The following MOCOS variants were observed in gnomAD, a reference collection of about 807,000 sequenced individuals.
MOCOS encodes the protein human molybdenum cofactor sulfurase.
A neutral mutation model predicts 83.6 loss-of-function variants in MOCOS; 86 were observed. The ratio of observed to expected loss-of-function variants is 1.03; its 90% confidence interval spans 0.86 to 1.23. The LOEUF (loss-of-function observed/expected upper bound fraction) is 1.23, where lower values mean the gene tolerates loss of function less well. Ranked by LOEUF, MOCOS falls within the 50% of genes most tolerant of loss-of-function variation. MOCOS has a pLI of 0.00. For synonymous variants in MOCOS, 445 were observed against 434.7 expected, an observed-to-expected ratio of 1.02 and a Z score of -0.29; for missense variants, 1,120 against 1,126.9, an observed-to-expected ratio of 0.99 and a Z score of 0.09.
intron 9 of MOCOS, among the ~76,000 whole-genome samples, chr18:36,234,640 A>G (rs916681974): frequency 6.6e-6 from 1 of 152,156 alleles, no homozygotes; most frequent in Non-Finnish European, 1.5e-5. Context: ...CATTTTCACA[A>G]TATTGATTCT....
chr18:36,235,266 A>G (rs887534500), intron 9 of MOCOS, among the ~76,000 whole-genome samples: 4 of 124,770 alleles, frequency 3.2e-5, no homozygotes, highest in Non-Finnish European at 6.7e-5. Context: ...ATATCTCCCA[A>G]TGCTATCCCT....
At chr18:36,232,505 C>T (rs974307423) in intron 9 of MOCOS, among the ~76,000 whole-genome samples, 2 of 151,930 alleles carry the variant, frequency 1.3e-5, no homozygotes, top group Non-Finnish European at 1.5e-5. Context: ...GTTTAAAATC[C>T]TCTTTTCTAG....
intron 1 of MOCOS, among the ~76,000 whole-genome samples, chr18:36,190,905 C>T (rs1251039239): frequency 6.6e-6 from 1 of 151,214 alleles, no homozygotes; most frequent in Non-Finnish European, 1.5e-5. Context: ...GGTGTGGTGG[C>T]ACATGCCTGT....
At chr18:36,232,855 TACACACACAC>T (rs71168208) in intron 9 of MOCOS, among the ~76,000 whole-genome samples, 39,519 of 147,844 alleles carry the variant, frequency 0.27, 6,037 homozygotes, top group Admixed American at 0.34. Context: ...AATATTCCAT[TACACACACAC>T]ACACACACAC....
intron 9 of MOCOS, 81 bp downstream of exon 9, chr18:36,220,298 G>C (rs2091491384): frequency 1.3e-6 from 2 of 1,521,248 alleles, no homozygotes; most frequent in African/African-American, 1.4e-5. Flanking sequence ...CCAAGTGTTA[G>C]AATAACCCAT....
At chr18:36,217,371 T>C (rs925647832) in intron 8 of MOCOS, among the ~76,000 whole-genome samples, 4 of 152,226 alleles carry the variant, frequency 2.6e-5, no homozygotes, top group Non-Finnish European at 5.9e-5. Flanking sequence ...ATTAAAAATA[T>C]TAAATTTTAA....
At chr18:36,210,850 CAAAAAAAAAAAAAA>C (rs60856965) in intron 6 of MOCOS, among the ~76,000 whole-genome samples, 15 of 48,060 alleles carry the variant, frequency 3.1e-4, no homozygotes, top group South Asian at 1.3e-3. Context: ...GACTCTGTCT[CAAAAAAAAAAAAAA>C]AAAAAAAAAA....
rs1387666711 is a variant in MOCOS at position 36,198,682 on chromosome 18, C to T, written c.233-8C>T. The T allele has an allele frequency of 6.2e-7, 1 of 1,614,138 alleles. No individual in the cohort carries two copies. Among genetic ancestry groups the T allele is most frequent in the Non-Finnish European group, 8.5e-7 (1 of 1,180,014 alleles). ...TGACTTGGTGGCCTTGTCTTTGTAA[C>T]CTGCCAGGTAATCCTCACAGCCAGA... On this transcript the variant is annotated splice_polypyrimidine_tract_variant and splice_region_variant and intron_variant, in intron 2 of 14. Coordinates refer to ENST00000261326, the MANE Select transcript of MOCOS (RefSeq NM_017947.4).
intron 11 of MOCOS, among the ~76,000 whole-genome samples, chr18:36,256,455 T>G (rs2091641926): frequency 6.6e-6 from 1 of 152,176 alleles, no homozygotes; most frequent in Admixed American, 6.5e-5. Flanking sequence ...TTTTTAATTT[T>G]CTAAATTTTT....
chr18:36,266,077 G>A (rs1207257877), intron 13 of MOCOS, among the ~76,000 whole-genome samples: 1 of 152,084 alleles, frequency 6.6e-6, no homozygotes, highest in East Asian at 1.9e-4. Flanking sequence ...CTGGGTCAGC[G>A]GGCATTGACA....
intron 13 of MOCOS, among the ~76,000 whole-genome samples, chr18:36,266,459 A>C (rs2091682245): frequency 6.6e-6 from 1 of 151,736 alleles, no homozygotes; most frequent in South Asian, 2.1e-4. Context: ...TCTTTTTCCA[A>C]TTTGTCTTCC....
In MOCOS at chr18:36,220,179, T is replaced by C. The variant is rs2091490787; in HGVS notation, c.1922T>C (p.Ile641Thr). The change falls in exon 9 of 15, where the codon ATC (isoleucine) becomes ACC (threonine). Residue 641 changes from isoleucine (I) to threonine (T), a missense_variant. Coordinates refer to ENST00000261326, the MANE Select transcript of MOCOS (RefSeq NM_017947.4). The part of the protein sequence containing the change: ...EPRLCLIQPF[I>T]DLRQRIMVIK... ...CGGCTCTGCCTGATCCAGCCCTTCA[T>C]CGACTTGCGGCAAAGGATCATGGTC... The C allele has an allele frequency of 1.2e-6, 2 of 1,614,148 alleles. No homozygotes were observed. Among genetic ancestry groups the C allele is most frequent in the African/African-American group, 1.3e-5 (1 of 75,026 alleles).
chr18:36,187,742 T>C, intron 1 of MOCOS, 61 bp downstream of exon 1: 1 of 1,246,596 alleles, frequency 8.0e-7, no homozygotes, highest in Non-Finnish European at 1.0e-6. Context: ...GGACGGATCT[T>C]TTGCTCCTAG....
At chr18:36,238,611 T>C (rs2091568794) in intron 9 of MOCOS, among the ~76,000 whole-genome samples, 1 of 146,506 alleles carries the variant, frequency 6.8e-6, no homozygotes, top group Non-Finnish European at 1.5e-5. Flanking sequence ...GTATATTCTG[T>C]TGATTTGGGG....
At chr18:36,237,445 C>A (rs945642193) in intron 9 of MOCOS, among the ~76,000 whole-genome samples, 1 of 152,094 alleles carries the variant, frequency 6.6e-6, no homozygotes. Flanking sequence ...TATTGATTTG[C>A]ATATATTGAA....
intron 9 of MOCOS, among the ~76,000 whole-genome samples, chr18:36,247,058 T>C (rs1469878323): frequency 1.3e-5 from 2 of 152,066 alleles, no homozygotes; most frequent in Non-Finnish European, 2.9e-5. Flanking sequence ...GGGGGCTGGT[T>C]CTTGGGCAAA....
intron 4 of MOCOS, among the ~76,000 whole-genome samples, chr18:36,202,646 G>C (rs1049487036): frequency 1.1e-4 from 16 of 152,128 alleles, no homozygotes; most frequent in African/African-American, 3.4e-4. Context: ...AGATTACAGC[G>C]GTATTAGTCC....
At chr18:36,245,195 T>TA (rs374508715) in intron 9 of MOCOS, among the ~76,000 whole-genome samples, 1 of 152,106 alleles carries the variant, frequency 6.6e-6, no homozygotes, top group Non-Finnish European at 1.5e-5. Context: ...ACCTTTTTTT[T>TA]ATTGTGTTAT....
At chr18:36,264,334 T>G (rs938614675) in intron 13 of MOCOS, among the ~76,000 whole-genome samples, 6 of 152,208 alleles carry the variant, frequency 3.9e-5, no homozygotes, top group Non-Finnish European at 8.8e-5. Flanking sequence ...CTGGGGCTGG[T>G]GCAAGCTGCA....
Sources: gnomAD v4.1 joint callset for allele counts (sites outside exome capture counted in the v4.1 genomes callset) on GRCh38, gnomAD v4.1.1 for gene constraint, MANE v1.5 for transcripts, NCBI Gene and HGNC (gene_info 2026-07-23, HGNC 2026-07-21) for gene names.